CKS2: variants seen among roughly 807,000 people sequenced by gnomAD.
CKS2 encodes the protein CDC28 protein kinase regulatory subunit 2, also known as cyclin-dependent kinases regulatory subunit 2.
CKS2 carries 4 observed loss-of-function variants against 14.3 expected under a neutral mutation model. That is an observed-to-expected ratio of 0.28 (90% CI 0.14 to 0.64). CKS2 has a LOEUF of 0.64. CKS2 is among the 30% of genes least tolerant of loss of function. The pLI is 0.83. For missense variants in CKS2, 71 were observed against 94.3 expected (o/e 0.75, Z 1.02); for synonymous variants, 33 against 28.7 (o/e 1.15, Z -0.48).
At chr9:89,314,185 T>C (rs1299784058) in intron 1 of CKS2, among the ~76,000 whole-genome samples, 1 of 152,196 alleles carries the variant, frequency 6.6e-6, no homozygotes, top group African/African-American at 2.4e-5. Context: ...GTGGTAAACA[T>C]GGAGCTGAGA....
chr9:89,315,034 T>C (rs879264749), intron 1 of CKS2, 136 bp from the exon 2 acceptor site: 8 of 606,996 alleles, frequency 1.3e-5, no homozygotes, highest in Admixed American at 3.2e-5. Context: ...AATTTGAACA[T>C]AGGCCATCAT....
In CKS2 at chr9:89,316,506, A is replaced by C. The variant is rs1201405526; in HGVS notation, c.*81A>C. On this transcript the variant is annotated 3_prime_UTR_variant, in exon 3 of 3. Coordinates refer to ENST00000314355, the MANE Select transcript of CKS2 (RefSeq NM_001827.3). ...GGTAGTATTCAGTGAATACTTGAGA[A>C]ATGTACAAATCTTTCATCCATACCT... 2.3e-6 allele frequency: 2 copies of C among 887,194 alleles called. No homozygotes were observed. The highest frequency in any genetic ancestry group is 3.7e-6 in the Non-Finnish European group (2 of 547,468). The allele number at this position is 887,194 out of a possible 1,614,324, so 55.0% of individuals were successfully genotyped here. A position where few individuals can be genotyped will look rare whatever the true frequency, so the allele number is the denominator to read the frequency against.
At chr9:89,316,057 T>A (rs1260826764) in intron 2 of CKS2, among the ~76,000 whole-genome samples, 1 of 152,182 alleles carries the variant, frequency 6.6e-6, no homozygotes, top group East Asian at 1.9e-4. Flanking sequence ...GTCCAGATAA[T>A]ACAAAAGCAA....
At chr9:89,311,425 T>A in intron 1 of CKS2, 74 bp downstream of exon 1, 8 of 790,348 alleles carry the variant, frequency 1.0e-5, no homozygotes, top group Non-Finnish European at 1.3e-5. Context: ...CCAGGCATAG[T>A]AGGGTCGGGG....
At chr9:89,312,893 G>A (rs544079616) in intron 1 of CKS2, among the ~76,000 whole-genome samples, 31 of 152,260 alleles carry the variant, frequency 2.0e-4, no homozygotes, top group Middle Eastern at 3.4e-3. Flanking sequence ...TTAAGGGTCG[G>A]TACAAGTTTC....
At position 89,316,515 on chromosome 9, in the gene CKS2, A is replaced by G. The variant is rs547378527; in HGVS notation, c.*90A>G. ...CAGTGAATACTTGAGAAATGTACAA[A>G]TCTTTCATCCATACCTGTGCATGAG... On this transcript the variant is annotated 3_prime_UTR_variant, in exon 3 of 3. Coordinates refer to ENST00000314355, the MANE Select transcript of CKS2 (RefSeq NM_001827.3). 508 of 838,340 alleles carry G rather than the reference A, an allele frequency of 6.1e-4. No individual in the cohort carries two copies. In the African/African-American group the frequency reaches 7.7e-3, roughly 13 times the overall value. The allele number at this position is 838,340 out of a possible 1,614,324, so 51.9% of individuals were successfully genotyped here. A position where few individuals can be genotyped will look rare whatever the true frequency, so the allele number is the denominator to read the frequency against.
intron 1 of CKS2, among the ~76,000 whole-genome samples, chr9:89,311,586 G>A (rs1824610165): frequency 6.6e-6 from 1 of 152,214 alleles, no homozygotes; most frequent in Admixed American, 6.5e-5. Flanking sequence ...GTGCGCGGAG[G>A]GTGAGGGAAG....
intron 1 of CKS2, 66 bp downstream of exon 1, chr9:89,311,417 A>C (rs1824604610): frequency 4.8e-5 from 55 of 1,134,958 alleles, no homozygotes; most frequent in Middle Eastern, 2.7e-4. Flanking sequence ...GGGGCGACCC[A>C]GGCATAGTAG....
At chr9:89,311,539 G>T (rs994186978) in intron 1 of CKS2, among the ~76,000 whole-genome samples, 188 bp downstream of exon 1, 1 of 152,234 alleles carries the variant, frequency 6.6e-6, no homozygotes, top group Non-Finnish European at 1.5e-5. Flanking sequence ...ATGGTTGGGT[G>T]CCTGGCCGCG....
intron 2 of CKS2, 119 bp downstream of exon 2, chr9:89,315,416 G>T: frequency 7.3e-5 from 50 of 682,246 alleles, no homozygotes; most frequent in East Asian, 8.5e-5. Flanking sequence ...GTTCTGATAA[G>T]TTTTTTTTTT....
Position 89,311,312 on chromosome 9 carries a change from A to C in CKS2, c.20A>C (p.Tyr7Ser), listed in dbSNP as rs1052637276. Residue 7 changes from tyrosine to serine, a missense_variant, in exon 1 of 3, where the codon TAC (tyrosine) becomes TCC (serine). By Grantham distance (144) the Tyr-to-Ser change is moderately radical. Coordinates refer to ENST00000314355, the MANE Select transcript of CKS2 (RefSeq NM_001827.3). Reference sequence around the variant, plus strand: ...AGCAGGATGGCCCACAAGCAGATCTACTACTCGGACAAGTACTTCGACGAA... The same window carrying C: ...AGCAGGATGGCCCACAAGCAGATCTCCTACTCGGACAAGTACTTCGACGAA... MAHKQI[Y>S]YSDKYFDEHY... 6.2e-7 allele frequency: 1 copy of C among 1,610,484 alleles called. No individual in the cohort carries two copies. Among genetic ancestry groups the C allele is most frequent in the East Asian group, 2.3e-5 (1 of 44,228 alleles).
chr9:89,316,226 T>G, intron 2 of CKS2, 147 bp from the exon 3 acceptor site: 1 of 612,164 alleles, frequency 1.6e-6, no homozygotes, highest in East Asian at 2.8e-5. Context: ...AGACAGTAAC[T>G]GTGAAAAAAA....
rs1824657095 is a variant in CKS2 at position 89,313,573 on chromosome 9, C to T, written c.60-1597C>T. ...TCATATGGGGTTGATGCTACTTAAA[C>T]ATTTTTCCTTTATAAAGAAACCCTG... On this transcript the variant is annotated intron_variant, in intron 1 of 2. Coordinates refer to ENST00000314355, the MANE Select transcript of CKS2 (RefSeq NM_001827.3). 2.6e-5 allele frequency among the ~76,000 whole-genome samples: 4 copies of T among 152,292 alleles called. No homozygotes were observed. In the South Asian group the frequency reaches 8.3e-4, roughly 32 times the overall value.
rs982621634 is a variant in CKS2, at chr9:89,311,241, G to C, written c.-52G>C. The C allele has an allele frequency of 2.1e-5, 32 of 1,529,914 alleles. No individual in the cohort carries two copies. The highest frequency in any genetic ancestry group is 2.7e-5 in the African/African-American group (2 of 72,814). The allele number at this position is 1,529,914 out of a possible 1,614,324, so 94.8% of individuals were successfully genotyped here. On this transcript the variant is annotated 5_prime_UTR_variant, in exon 1 of 3. Transcript: ENST00000314355. ...GCCTGGGCTGGACGTGGTTTTGTCT[G>C]CTGCGCCCGCTCTTCGCGCTCTCGT...
intron 1 of CKS2, among the ~76,000 whole-genome samples, chr9:89,314,628 A>C (rs1467040636): frequency 2.0e-5 from 3 of 152,202 alleles, no homozygotes; most frequent in Non-Finnish European, 4.4e-5. Context: ...GTTACATAAA[A>C]GTCTAATAAT....
In CKS2 at chr9:89,316,659, T is replaced by A; in HGVS notation, c.*234T>A. The A allele has an allele frequency of 1.0e-5, 4 of 388,658 alleles. No individual in the cohort carries two copies. Among genetic ancestry groups the A allele is most frequent in the Non-Finnish European group, 1.8e-5 (4 of 216,316 alleles). 24.1% of individuals were successfully genotyped at this position (388,658 alleles called of 1,614,324 possible). Reference sequence around the variant, plus strand: ...CTCTTAAGTGCCTGTTTGAGTTTACTGAAACAGTTTACTTTTGTTCAATAA... The same window carrying A: ...CTCTTAAGTGCCTGTTTGAGTTTACAGAAACAGTTTACTTTTGTTCAATAA... On this transcript the variant is annotated 3_prime_UTR_variant, in exon 3 of 3. Coordinates refer to ENST00000314355, the MANE Select transcript of CKS2 (RefSeq NM_001827.3).
intron 1 of CKS2, among the ~76,000 whole-genome samples, chr9:89,313,443 G>A: frequency 6.6e-6 from 1 of 152,142 alleles, no homozygotes; most frequent in East Asian, 1.9e-4. Flanking sequence ...AGTAATACTT[G>A]CACTATTTTG....
At chr9:89,311,467 G>A in intron 1 of CKS2, 116 bp downstream of exon 1, 1 of 681,000 alleles carries the variant, frequency 1.5e-6, no homozygotes, top group Non-Finnish European at 2.3e-6. Flanking sequence ...GCGGAGCCCG[G>A]GGCCGGAGGG....
intron 1 of CKS2, among the ~76,000 whole-genome samples, chr9:89,311,684 C>T (rs1824612363): frequency 6.6e-6 from 1 of 152,208 alleles, no homozygotes. Context: ...AGTGACCATC[C>T]CGTCACTTTT....
Sources: gnomAD v4.1 joint callset for allele counts (sites outside exome capture counted in the v4.1 genomes callset) on GRCh38, gnomAD v4.1.1 for gene constraint, MANE v1.5 for transcripts, NCBI Gene and HGNC (gene_info 2026-07-23, HGNC 2026-07-21) for gene names.